The following XPO5 variants were observed in gnomAD, a reference collection of about 807,000 sequenced individuals.
The protein encoded by XPO5 is exportin 5.
XPO5 carries 46 observed loss-of-function variants against 160.6 expected under a neutral mutation model. That is an observed-to-expected ratio of 0.29 (90% confidence interval 0.23 to 0.37). The LOEUF is 0.37. Ranked by LOEUF, XPO5 falls within the 10% of genes least tolerant of loss-of-function variation. The pLI, the probability that XPO5 is intolerant of heterozygous loss-of-function variation, is 1.00. For missense variants in XPO5, 1,090 were observed against 1,463.9 expected, an observed-to-expected ratio of 0.74 and a Z score of 4.17; for synonymous variants, 537 against 519.3, an observed-to-expected ratio of 1.03 and a Z score of -0.46.
At chr6:43,571,840 A>G (rs981160159) in intron 3 of XPO5, among the ~76,000 whole-genome samples, 4 of 152,204 alleles carry the variant, frequency 2.6e-5, no homozygotes, top group African/African-American at 9.6e-5. Flanking sequence ...TACTTGAAAC[A>G]AATTCATTCT....
In XPO5 at chr6:43,553,400, G is replaced by C. The variant is rs756726154; in HGVS notation, c.1545C>G (p.Thr515=). 5.0e-6 allele frequency: 8 copies of C among 1,608,088 alleles called. No homozygotes were observed. The highest frequency in any genetic ancestry group is 6.8e-6 in the Non-Finnish European group (8 of 1,177,180). Residue 515 remains threonine (T), a synonymous_variant, in exon 14 of 32, where the codon ACC becomes ACG. Transcript: ENST00000265351. ...AMTLFLESVI[T]QMFRTLNREE... ...CTCTATTTAGTGTTCGAAACATCTG[G>C]GTGATAACACTTTCCAAAAAAAGAG...
chr6:43,569,585 T>C (rs1397882146), intron 5 of XPO5, among the ~76,000 whole-genome samples: 1 of 151,714 alleles, frequency 6.6e-6, no homozygotes, highest in African/African-American at 2.4e-5. Flanking sequence ...ATACAAAAAT[T>C]AGACGGGCAT....
chr6:43,560,398 A>G (rs1762356542), intron 10 of XPO5, 95 bp from the exon 11 acceptor site: 1 of 1,410,248 alleles, frequency 7.1e-7, no homozygotes, highest in East Asian at 2.5e-5. Flanking sequence ...TTTCATAGAA[A>G]TAAATCTGTA....
chr6:43,551,209 A>G, intron 15 of XPO5, 89 bp downstream of exon 15: 1 of 1,347,538 alleles, frequency 7.4e-7, no homozygotes. Flanking sequence ...TGGGCAATGT[A>G]GCAAGATCCT....
rs546833209 is a variant in XPO5 at position 43,568,134 on chromosome 6, C to T, written c.648+577G>A. Among the ~76,000 whole-genome samples the T allele has an allele frequency of 7.3e-5, 11 of 151,660 alleles. No homozygotes were observed. In the South Asian group the frequency reaches 2.3e-3, roughly 32 times the overall value. Reference sequence around the variant, plus strand: ...CTATCCTGGCTAACATGGTGAAACCCCGTCTCTACTAAAAATACAAAAAAT... The same window carrying T: ...CTATCCTGGCTAACATGGTGAAACCTCGTCTCTACTAAAAATACAAAAAAT... On this transcript the variant is annotated intron_variant, in intron 6 of 31. Transcript: ENST00000265351.
chr6:43,551,678 C>T (rs1795235357), intron 14 of XPO5, among the ~76,000 whole-genome samples: 1 of 152,150 alleles, frequency 6.6e-6, no homozygotes, highest in Non-Finnish European at 1.5e-5. Context: ...GCGGGCACCA[C>T]CATGCCTGGA....
intron 20 of XPO5, chr6:43,539,710 T>A (rs1439759850): frequency 3.0e-6 from 2 of 672,240 alleles, no homozygotes; most frequent in Non-Finnish European, 5.0e-6. Context: ...CCATTTGGTG[T>A]TTTCTCGGAG....
intron 20 of XPO5, among the ~76,000 whole-genome samples, chr6:43,535,018 C>T (rs867949932): frequency 6.6e-6 from 1 of 151,820 alleles, no homozygotes; most frequent in Non-Finnish European, 1.5e-5. Flanking sequence ...AAAGGCCAGG[C>T]GCAGTGGCTC....
At position 43,523,997 on chromosome 6, in the gene XPO5, C is replaced by T; in HGVS notation, c.3486G>A (p.Leu1162=). ...GAACTTCTTTTCGGAACTGCTCTCCCAAGGGTTTCTGTGGAAAACAAATGA... is the reference window on the plus strand; with the variant it reads ...GAACTTCTTTTCGGAACTGCTCTCCTAAGGGTTTCTGTGGAAAACAAATGA... The part of the protein sequence containing the change: ...RLIAGCIGKP[L]GEQFRKEVHI... Residue 1162 remains leucine, a synonymous_variant, in exon 32 of 32, where the codon TTG becomes TTA. Coordinates refer to ENST00000265351, the MANE Select transcript of XPO5 (RefSeq NM_020750.3). 2 of 1,613,008 alleles carry T rather than the reference C, an allele frequency of 1.2e-6. No individual in the cohort carries two copies. The highest frequency in any genetic ancestry group is 1.7e-6 in the Non-Finnish European group (2 of 1,179,852).
Position 43,533,926 on chromosome 6 carries a change from C to T in XPO5, c.2424G>A (p.Ala808=), listed in dbSNP as rs61748655. 8.7e-3 allele frequency: 14,018 copies of T among 1,603,838 alleles called. 85 individuals carry two copies. Among genetic ancestry groups the T allele is most frequent in the Non-Finnish European group, 0.01 (12,235 of 1,173,652 alleles). ...TCTTACCTAATATAGCAGATTTTTC[C>T]GCGTCAAGCATATCCAGAGCCTTGG... ...PFTKALDMLD[A]EKSAILGLPQ... Residue 808 remains alanine (A), a synonymous_variant, in exon 21 of 32, where the codon GCG becomes GCA. Transcript: ENST00000265351.
chr6:43,573,824 T>TATATATA (rs1491294581), intron 1 of XPO5, among the ~76,000 whole-genome samples: 2 of 103,440 alleles, frequency 1.9e-5, no homozygotes, highest in African/African-American at 1.2e-4. Context: ...TATATATATA[T>TATATATA]TTTTTTTTTT....
chr6:43,553,712 A>G (rs887508602), intron 13 of XPO5: 29 of 1,088,970 alleles, frequency 2.7e-5, no homozygotes, highest in Non-Finnish European at 3.1e-5. Context: ...GAAGGTTCCT[A>G]CCATGCCTCC....
rs1554134875 is a variant in XPO5 at position 43,549,837 on chromosome 6, A to G, written c.1770+56T>C. ...TAAAAATATAAACTGAGTATCAGGTATTCATACATTTGTACTCAAGAAGTT... is the reference window on the plus strand; with the variant it reads ...TAAAAATATAAACTGAGTATCAGGTGTTCATACATTTGTACTCAAGAAGTT... On this transcript the variant is annotated intron_variant, in intron 16 of 31. Transcript: ENST00000265351. 216 of 1,506,606 alleles carry G rather than the reference A, an allele frequency of 1.4e-4. 5 individuals carry two copies. The South Asian group carries it at 2.4e-3, about 17-fold the overall frequency. The allele number at this position is 1,506,606 out of a possible 1,614,324, so 93.3% of individuals were successfully genotyped here.
At position 43,570,484 on chromosome 6, in the gene XPO5, G is replaced by A. The variant is rs1410642533; in HGVS notation, c.621+18C>T. The A allele has an allele frequency of 6.2e-7, 1 of 1,607,468 alleles. No individual in the cohort carries two copies. The highest frequency in any genetic ancestry group is 2.2e-5 in the East Asian group (1 of 44,726). On this transcript the variant is annotated intron_variant, in intron 5 of 31. Transcript: ENST00000265351. Reference sequence around the variant, plus strand: ...CATATTGGAAAATAGAAATGTTATAGGTAGGGGTATCCCTTACCACTTGCT... The same window carrying A: ...CATATTGGAAAATAGAAATGTTATAAGTAGGGGTATCCCTTACCACTTGCT...
Position 43,573,823 on chromosome 6 carries a change from ATTTTTT to A in XPO5, c.106-228_106-223del, listed in dbSNP as rs111408497. On this transcript the variant is annotated intron_variant, in intron 1 of 31. Coordinates refer to ENST00000265351, the MANE Select transcript of XPO5 (RefSeq NM_020750.3). ...CTATTAAATATATATATATATATAT[ATTTTTT>A]TTTTTTTTTTTTGAGACGGAGTCTC... is the stretch of plus-strand genomic sequence containing the variant. 0.02 allele frequency among the ~76,000 whole-genome samples: 2,487 copies of A among 126,138 alleles called. 84 individuals are homozygous for A. Among genetic ancestry groups the A allele is most frequent in the African/African-American group, 0.074 (2,280 of 30,618 alleles). 82.8% of individuals were successfully genotyped at this position (126,138 alleles called of 152,430 possible). A position where few individuals can be genotyped will look rare whatever the true frequency, so the allele number is the denominator to read the frequency against.
intron 23 of XPO5, chr6:43,529,249 G>T (rs766135958): frequency 2.2e-6 from 3 of 1,378,104 alleles, no homozygotes; most frequent in Non-Finnish European, 2.9e-6. Flanking sequence ...ATAATTTCAG[G>T]TAAGAAAGAT....
intron 5 of XPO5, among the ~76,000 whole-genome samples, chr6:43,569,102 G>A (rs1561886902): frequency 6.6e-6 from 1 of 151,916 alleles, no homozygotes. Flanking sequence ...AGACCAGTCT[G>A]GCCAACATGG....
chr6:43,531,400 T>G, intron 22 of XPO5, 79 bp downstream of exon 22: 1 of 1,360,480 alleles, frequency 7.4e-7, no homozygotes, highest in Non-Finnish European at 1.1e-6. Context: ...GTACACTAGA[T>G]GAAAAGTCCA....
At chr6:43,540,523 C>T (rs560891004) in intron 20 of XPO5, among the ~76,000 whole-genome samples, 1 of 152,112 alleles carries the variant, frequency 6.6e-6, no homozygotes, top group East Asian at 1.9e-4. Context: ...CATGGTGGCA[C>T]ACACCTGTAA....
Sources: gnomAD v4.1 joint callset for allele counts (sites outside exome capture counted in the v4.1 genomes callset) on GRCh38, gnomAD v4.1.1 for gene constraint, MANE v1.5 for transcripts, NCBI Gene and HGNC (gene_info 2026-07-23, HGNC 2026-07-21) for gene names.